UNC45A: variants seen among roughly 807,000 people sequenced by gnomAD.
UNC45A encodes the protein protein unc-45 homolog A.
A neutral mutation model predicts 103.2 loss-of-function variants in UNC45A; 78 were observed. That is an observed-to-expected ratio of 0.76 (90% CI 0.63 to 0.91). UNC45A has a LOEUF of 0.91. UNC45A is among the 40% of genes least tolerant of loss of function. UNC45A has a pLI of 0.00. For synonymous variants in UNC45A, 495 were observed against 504.6 expected, an observed-to-expected ratio of 0.98 and a Z score of 0.25; for missense variants, 1,193 against 1,224.8, an observed-to-expected ratio of 0.97 and a Z score of 0.39.
At chr15:90,945,173 G>C (rs755657651) in intron 9 of UNC45A, 110 bp downstream of exon 9, 9 of 1,435,808 alleles carry the variant, frequency 6.3e-6, no homozygotes, top group Non-Finnish European at 8.4e-6. Context: ...TAATCTTGGG[G>C]AGGACTAGTT....
At chr15:90,932,342 C>G, upstream of UNC45A, 1 of 857,734 alleles carries the variant, frequency 1.2e-6, no homozygotes, top group Non-Finnish European at 1.7e-6. Flanking sequence ...AAAACAGGTG[C>G]TCAATGAGGT....
In UNC45A at chr15:90,947,861, C is replaced by T; in HGVS notation, c.1566C>T (p.Ser522=). The T allele has an allele frequency of 2.5e-6, 4 of 1,614,056 alleles. No individual in the cohort carries two copies. Among genetic ancestry groups the T allele is most frequent in the East Asian group, 2.2e-5 (1 of 44,870 alleles). The change falls in exon 11 of 20, where the codon TCC becomes TCT. Residue 522 remains serine (S), a synonymous_variant. Coordinates refer to ENST00000418476, the MANE Select transcript of UNC45A (RefSeq NM_018671.5). ...DFSMKQFAEG[S]TLKLAKQCRK... ...GCATGAAGCAGTTTGCTGAAGGCTC[C>T]ACTCTCAAACTGGCTAAGCAGTGTC...
intron 9 of UNC45A, among the ~76,000 whole-genome samples, chr15:90,945,866 CACACCTG>C: frequency 6.7e-6 from 1 of 150,306 alleles, no homozygotes. Context: ...CTCCTGACCT[CACACCTG>C]AGGTGATCTG....
chr15:90,935,114 C>T, upstream of UNC45A: 1 of 599,946 alleles, frequency 1.7e-6, no homozygotes, highest in Admixed American at 3.0e-5. Context: ...TCTGCGGGGA[C>T]AGCTTAGGTG....
intron 4 of UNC45A, among the ~76,000 whole-genome samples, chr15:90,936,948 G>C (rs2036052723): frequency 6.6e-6 from 1 of 152,208 alleles, no homozygotes; most frequent in Non-Finnish European, 1.5e-5. Flanking sequence ...AGGAATGGCT[G>C]AATAAATGGG....
At chr15:90,932,376 C>T (rs573111430), upstream of UNC45A, 33 of 1,147,914 alleles carry the variant, frequency 2.9e-5, no homozygotes, top group East Asian at 9.3e-4. Context: ...GTTTCCTTCC[C>T]AGTCCCCACC....
upstream of UNC45A, chr15:90,932,853 A>T (rs1175048802): frequency 3.4e-6 from 1 of 293,990 alleles, no homozygotes; most frequent in East Asian, 5.5e-5. Flanking sequence ...GTGGCCTCAC[A>T]GTGCTCTGAA....
Position 90,949,313 on chromosome 15 carries a change from C to G in UNC45A, c.1879-3C>G. ...CCCTCTCCTAAGCTGCCTCCTCCCC[C>G]AGGACAAGCCAAGCTTCGTGCGGGC... On this transcript the variant is annotated splice_polypyrimidine_tract_variant and splice_region_variant and intron_variant, in intron 13 of 19. Coordinates refer to ENST00000418476, the MANE Select transcript of UNC45A (RefSeq NM_018671.5). 1.2e-6 allele frequency: 2 copies of G among 1,611,058 alleles called. No individual in the cohort carries two copies. The highest frequency in any genetic ancestry group is 1.7e-6 in the Non-Finnish European group (2 of 1,179,922).
intron 4 of UNC45A, among the ~76,000 whole-genome samples, chr15:90,937,745 C>A (rs912061241): frequency 5.5e-4 from 83 of 152,064 alleles, no homozygotes; most frequent in Admixed American, 9.2e-4. Flanking sequence ...CTCGGCCTCC[C>A]AAAGTGCTGG....
upstream of UNC45A, chr15:90,932,043 G>A: frequency 6.2e-7 from 1 of 1,613,868 alleles, no homozygotes; most frequent in Non-Finnish European, 8.5e-7. Flanking sequence ...GGCAGAGAAG[G>A]GGGAAAGTTA....
chr15:90,937,688 G>T (rs1477587726), intron 4 of UNC45A, among the ~76,000 whole-genome samples: 1 of 152,074 alleles, frequency 6.6e-6, no homozygotes, highest in Non-Finnish European at 1.5e-5. Flanking sequence ...CGGTTTCACT[G>T]TGTTGGCCAG....
intron 17 of UNC45A, among the ~76,000 whole-genome samples, chr15:90,952,073 T>C (rs1169554582): frequency 6.6e-6 from 1 of 152,208 alleles, no homozygotes; most frequent in Non-Finnish European, 1.5e-5. Flanking sequence ...CTGTAGTTCA[T>C]ACCTGGTGCA....
At chr15:90,939,414 G>A (rs2036176320) in intron 4 of UNC45A, among the ~76,000 whole-genome samples, 1 of 152,226 alleles carries the variant, frequency 6.6e-6, no homozygotes, top group African/African-American at 2.4e-5. Context: ...CATTCACGCT[G>A]CCACAATGTA....
intron 12 of UNC45A, 73 bp downstream of exon 12, chr15:90,948,356 G>T: frequency 6.3e-7 from 1 of 1,587,300 alleles, no homozygotes; most frequent in East Asian, 2.2e-5. Flanking sequence ...TTCTCGGCAG[G>T]GCTTGGCCAA....
upstream of UNC45A, chr15:90,932,846 G>A (rs1055791554): frequency 4.6e-5 from 14 of 304,644 alleles, no homozygotes; most frequent in African/African-American, 3.0e-4. Flanking sequence ...TAAGGCAGTG[G>A]CCTCACAGTG....
chr15:90,932,041 AG>A (rs1434001692), upstream of UNC45A: 5 of 1,613,880 alleles, frequency 3.1e-6, no homozygotes, highest in Non-Finnish European at 4.2e-6. Context: ...CTGGCAGAGA[AG>A]GGGGAAAGTT....
At chr15:90,950,709 A>G in intron 17 of UNC45A, 94 bp downstream of exon 17, 7 of 1,296,248 alleles carry the variant, frequency 5.4e-6, no homozygotes, top group Admixed American at 2.0e-5. Context: ...CTCCTTGGTC[A>G]TGGGCTTCTG....
chr15:90,950,392 C>T (rs938762538), intron 16 of UNC45A, 108 bp from the exon 17 acceptor site: 5 of 1,453,200 alleles, frequency 3.4e-6, no homozygotes, highest in African/African-American at 2.8e-5. Flanking sequence ...GCAGGGAGGA[C>T]AGCCTGAGAC....
rs1475881176 is a variant in UNC45A, at chr15:90,946,825, GC to G, written c.1413del (p.Ser472HisfsTer11). On this transcript the variant is annotated frameshift_variant, in exon 10 of 20. Coordinates refer to ENST00000418476, the MANE Select transcript of UNC45A (RefSeq NM_018671.5). LOFTEE classifies it high-confidence loss of function. ...CCATGCAGCCGGCAAGGCTAAGCGG[GC>G]CTCATTCATCACTGCCAATGGTGTC... ...LIHAAGKAKR[A>X]SFITANGVSL... 3 of 1,614,164 alleles carry G rather than the reference GC, an allele frequency of 1.9e-6. No homozygotes were observed. The highest frequency in any genetic ancestry group is 2.5e-6 in the Non-Finnish European group (3 of 1,180,010).
Sources: allele counts gnomAD v4.1 joint callset (sites outside exome capture counted in the v4.1 genomes callset), GRCh38; gene constraint gnomAD v4.1.1; transcripts MANE v1.5; gene names NCBI Gene and HGNC (gene_info 2026-07-23, HGNC 2026-07-21).